The following GSG1L variants were observed in gnomAD, a reference collection of about 807,000 sequenced individuals.
The protein encoded by GSG1L is GSG1 like.
Under a neutral mutation model 42.1 loss-of-function variants are expected in GSG1L, and 24 were observed. The ratio of observed to expected loss-of-function variants is 0.57; its 90% CI spans 0.41 to 0.80. The LOEUF (loss-of-function observed/expected upper bound fraction) is 0.80. GSG1L is among the 30% of genes least tolerant of loss of function. The probability of loss-of-function intolerance (pLI) is 0.00; values close to 1 mark genes in which losing one functional copy is unlikely to be tolerated. For missense variants in GSG1L, 445 were observed against 472.2 expected, an observed-to-expected ratio of 0.94 and a Z score of 0.53; for synonymous variants, 215 against 203.5, an observed-to-expected ratio of 1.06 and a Z score of -0.48.
At chr16:28,016,070 A>G (rs1467821018) in intron 1 of GSG1L, among the ~76,000 whole-genome samples, 1 of 152,158 alleles carries the variant, frequency 6.6e-6, no homozygotes, top group Non-Finnish European at 1.5e-5. Flanking sequence ...GGCTCACTGC[A>G]GCCTCCACCT....
intron 2 of GSG1L, among the ~76,000 whole-genome samples, chr16:27,909,668 G>T (rs1242782968): frequency 7.4e-6 from 1 of 134,318 alleles, no homozygotes; most frequent in African/African-American, 2.9e-5. Flanking sequence ...TTGAGACAAG[G>T]TCTTGCTCTG....
chr16:27,858,036 C>A (rs981230729), intron 3 of GSG1L, among the ~76,000 whole-genome samples: 6 of 152,232 alleles, frequency 3.9e-5, no homozygotes, highest in African/African-American at 1.4e-4. Context: ...TTCCTCCCAG[C>A]ACTACCTTCC....
At chr16:27,922,866 C>T (rs2084541932) in intron 2 of GSG1L, among the ~76,000 whole-genome samples, 1 of 152,192 alleles carries the variant, frequency 6.6e-6, no homozygotes, top group Non-Finnish European at 1.5e-5. Flanking sequence ...TCACTGCAGC[C>T]TCACACGACC....
intron 1 of GSG1L, among the ~76,000 whole-genome samples, chr16:27,979,228 C>T (rs972094162): frequency 3.3e-5 from 5 of 152,004 alleles, no homozygotes; most frequent in Admixed American, 6.6e-5. Flanking sequence ...ACAGGAGACT[C>T]ACTTGAGCCC....
chr16:28,046,050 A>G (rs950440980), intron 1 of GSG1L, among the ~76,000 whole-genome samples: 2 of 152,198 alleles, frequency 1.3e-5, no homozygotes, highest in Non-Finnish European at 2.9e-5. Context: ...ATATTCCATC[A>G]TGAAATTCTC....
chr16:27,805,696 G>GT lies in GSG1L; in HGVS notation c.898+1790_898+1791insA, dbSNP rs2082952677. On this transcript the variant is annotated intron_variant, in intron 6 of 6. Transcript: ENST00000447459. Reference sequence around the variant, plus strand: ...TGTGGGCACTGGGATTGGGGGTGGGGGGAGGGCTGTGGGCACTGGGATTGG... The same window carrying GT: ...TGTGGGCACTGGGATTGGGGGTGGGGTGGAGGGCTGTGGGCACTGGGATTGG... Among the ~76,000 whole-genome samples, 5 of 10,522 alleles carry GT rather than the reference G, an allele frequency of 4.8e-4. 2 individuals are homozygous for GT. The highest frequency in any genetic ancestry group is 9.5e-4 in the Non-Finnish European group (5 of 5,282). The allele number at this position is 10,522 out of a possible 152,430, so 6.9% of individuals were successfully genotyped here.
In GSG1L at chr16:27,933,595, G is replaced by A. The variant is rs150980868; in HGVS notation, c.397+29561C>T. Among the ~76,000 whole-genome samples, 1,342 of 140,088 alleles carry A rather than the reference G, an allele frequency of 9.6e-3. 14 individuals carry two copies. Among genetic ancestry groups the A allele is most frequent in the Non-Finnish European group, 0.016 (1,065 of 66,554 alleles). The allele number at this position is 140,088 out of a possible 152,430, so 91.9% of individuals were successfully genotyped here. On this transcript the variant is annotated intron_variant, in intron 2 of 6. Transcript: ENST00000447459. ...GTCCAGGAGTTCTAGGTTACAGTGA[G>A]CTATGATCATACTACTGCACTCCAG...
At chr16:27,828,686 T>C (rs2083240875) in intron 5 of GSG1L, 103 bp downstream of exon 5, 3 of 1,115,346 alleles carry the variant, frequency 2.7e-6, no homozygotes, top group Non-Finnish European at 3.9e-6. Flanking sequence ...CCCTCTGTCA[T>C]ACCATTCATT....
intron 2 of GSG1L, among the ~76,000 whole-genome samples, chr16:27,923,754 AAGAAAGAAAGAAAGAAAGAGAG>A (rs1415862943): frequency 1.2e-5 from 1 of 82,138 alleles, no homozygotes; most frequent in East Asian, 3.5e-4. Flanking sequence ...AAAAGGAAGA[AAGAAAGAAAGAAAGAAAGAGAG>A]AGAGAGAAAG....
intron 1 of GSG1L, among the ~76,000 whole-genome samples, chr16:28,009,777 T>C (rs1325085750): frequency 6.6e-6 from 1 of 152,236 alleles, no homozygotes; most frequent in Non-Finnish European, 1.5e-5. Context: ...ACTGCCTCTC[T>C]CTGAGTCTCA....
intron 3 of GSG1L, among the ~76,000 whole-genome samples, chr16:27,880,786 G>A (rs771236327): frequency 6.6e-6 from 1 of 152,088 alleles, no homozygotes; most frequent in Non-Finnish European, 1.5e-5. Context: ...GCTGGAGTGA[G>A]CAGGTTGGGG....
chr16:27,890,286 G>A (rs2084110545), intron 2 of GSG1L, among the ~76,000 whole-genome samples: 1 of 152,232 alleles, frequency 6.6e-6, no homozygotes, highest in Admixed American at 6.5e-5. Flanking sequence ...CACCAGGCAT[G>A]ATGGGGAAGG....
At chr16:28,044,336 G>A (rs976833248) in intron 1 of GSG1L, among the ~76,000 whole-genome samples, 1 of 150,240 alleles carries the variant, frequency 6.7e-6, no homozygotes, top group African/African-American at 2.4e-5. Context: ...AAAGAAGGAA[G>A]GAAGACATTT....
intron 3 of GSG1L, among the ~76,000 whole-genome samples, chr16:27,857,059 G>T (rs961227304): frequency 6.6e-6 from 1 of 152,146 alleles, no homozygotes; most frequent in South Asian, 2.1e-4. Context: ...TCAACTTTGG[G>T]GGCCCATGTG....
At chr16:27,833,049 G>T (rs1326177046) in intron 4 of GSG1L, among the ~76,000 whole-genome samples, 1 of 152,132 alleles carries the variant, frequency 6.6e-6, no homozygotes, top group Non-Finnish European at 1.5e-5. Context: ...AGATTCCAAA[G>T]ATTTTCTCTT....
At chr16:27,895,141 T>C (rs1040103536) in intron 2 of GSG1L, among the ~76,000 whole-genome samples, 1 of 152,206 alleles carries the variant, frequency 6.6e-6, no homozygotes, top group African/African-American at 2.4e-5. Context: ...AATGTCTTGT[T>C]TGGCCCACAC....
chr16:28,012,709 G>A (rs1209118491), intron 1 of GSG1L, among the ~76,000 whole-genome samples: 1 of 152,066 alleles, frequency 6.6e-6, no homozygotes, highest in Admixed American at 6.6e-5. Flanking sequence ...TACACAGCAA[G>A]ACCGTGTCTC....
At chr16:27,990,639 G>C (rs2085445240) in intron 1 of GSG1L, among the ~76,000 whole-genome samples, 1 of 152,072 alleles carries the variant, frequency 6.6e-6, no homozygotes, top group Non-Finnish European at 1.5e-5. Flanking sequence ...AGATATTTTG[G>C]GACCTCAAGA....
chr16:27,869,394 G>A lies in GSG1L; in HGVS notation c.550+15092C>T, dbSNP rs534188133. 8.6e-5 allele frequency among the ~76,000 whole-genome samples: 13 copies of A among 151,578 alleles called. 2 individuals are homozygous for A. The highest frequency in any genetic ancestry group is 2.9e-4 in the African/African-American group (12 of 40,924). On this transcript the variant is annotated intron_variant, in intron 3 of 6. Coordinates refer to ENST00000447459, the MANE Select transcript of GSG1L (RefSeq NM_001109763.2). The stretch of plus-strand genomic sequence containing the variant: ...GCCCATTTGCTGCTGTTTGCTCCCT[G>A]TGTCTCTCTTGTTCCTCCTTTTTCT...
Sources: allele counts gnomAD v4.1 joint callset (sites outside exome capture counted in the v4.1 genomes callset), GRCh38; gene constraint gnomAD v4.1.1; transcripts MANE v1.5; gene names NCBI Gene and HGNC (gene_info 2026-07-23, HGNC 2026-07-21).